The following ELOVL6 variants were observed in gnomAD, a reference collection of about 807,000 sequenced individuals.
ELOVL6 encodes the protein ELOVL fatty acid elongase 6.
A neutral mutation model predicts 31.7 loss-of-function variants in ELOVL6; 8 were observed. The observed-to-expected ratio is 0.25, with a 90% CI of 0.15 to 0.45. The LOEUF (loss-of-function observed/expected upper bound fraction) is 0.45, where lower values mean the gene tolerates loss of function less well. Among genes scored for constraint, ELOVL6 ranks in the 20% least tolerant of loss-of-function variants. ELOVL6 has a pLI of 1.00. For missense variants in ELOVL6, 126 were observed against 326.4 expected (o/e 0.39, Z 4.73); for synonymous variants, 101 against 117.7 (o/e 0.86, Z 0.92).
chr4:110,081,061 A>T (rs1245057680), intron 2 of ELOVL6, among the ~76,000 whole-genome samples: 1 of 152,164 alleles, frequency 6.6e-6, no homozygotes, highest in Non-Finnish European at 1.5e-5. Flanking sequence ...CTTCAAGGAG[A>T]ACTACAAACC....
chr4:110,104,035 G>A (rs1281865584), intron 2 of ELOVL6, among the ~76,000 whole-genome samples: 1 of 152,190 alleles, frequency 6.6e-6, no homozygotes, highest in Non-Finnish European at 1.5e-5. Context: ...ATTAAACGAA[G>A]TAAAATCAGC....
intron 1 of ELOVL6, among the ~76,000 whole-genome samples, chr4:110,162,651 T>TA (rs1758663719): frequency 6.6e-6 from 1 of 152,140 alleles, no homozygotes; most frequent in African/African-American, 2.4e-5. Flanking sequence ...GGCCTGAATA[T>TA]ATAGATATTT....
chr4:110,047,363 T>C lies in ELOVL6; in HGVS notation c.*3975A>G, dbSNP rs1754720585. On this transcript the variant is annotated 3_prime_UTR_variant, in exon 4 of 4. Coordinates refer to ENST00000302274, the MANE Select transcript of ELOVL6 (RefSeq NM_024090.3). ...CAAAAAAAAAAAAAAGCCCTCAGAATATGCCCTAGCTGCCTCGGTTGTGTG... is the reference window on the plus strand; with the variant it reads ...CAAAAAAAAAAAAAAGCCCTCAGAACATGCCCTAGCTGCCTCGGTTGTGTG... 1 of 147,086 alleles carries C rather than the reference T, an allele frequency of 6.8e-6. No homozygotes were observed. The highest frequency in any genetic ancestry group is 1.5e-5 in the Non-Finnish European group (1 of 67,124). 9.1% of individuals were successfully genotyped at this position (147,086 alleles called of 1,614,324 possible).
Position 110,198,078 on chromosome 4 carries a change from C to G in ELOVL6, c.89+169G>C, listed in dbSNP as rs76063861. 67 of 267,058 alleles carry G rather than the reference C, an allele frequency of 2.5e-4. 6 individuals are homozygous for G. The highest frequency in any genetic ancestry group is 2.0e-3 in the African/African-American group (60 of 30,064). The allele number at this position is 267,058 out of a possible 1,614,324, so 16.5% of individuals were successfully genotyped here. ...CACAGACCTCGCGCTTCATGTACCC[C>G]CCCCCCCCCAGCGTCTCCTGCACCC... On this transcript the variant is annotated intron_variant, in intron 1 of 3. Transcript: ENST00000302274.
intron 2 of ELOVL6, among the ~76,000 whole-genome samples, chr4:110,099,786 A>T (rs1756688170): frequency 6.6e-6 from 1 of 152,180 alleles, no homozygotes; most frequent in African/African-American, 2.4e-5. Context: ...GAAGGATGGA[A>T]AACTTTTTCA....
intron 1 of ELOVL6, among the ~76,000 whole-genome samples, chr4:110,110,510 C>A (rs1281094103): frequency 6.7e-6 from 1 of 149,462 alleles, no homozygotes; most frequent in Non-Finnish European, 1.5e-5. Flanking sequence ...AGGGCTCAAG[C>A]GATCTTCCCA....
At chr4:110,083,762 G>C (rs969123767) in intron 2 of ELOVL6, among the ~76,000 whole-genome samples, 5 of 150,466 alleles carry the variant, frequency 3.3e-5, no homozygotes, top group Admixed American at 3.3e-4. Context: ...CATTTCCAAA[G>C]ATGATGATGG....
Position 110,047,293 on chromosome 4 carries a change from A to T in ELOVL6, c.*4045T>A, listed in dbSNP as rs1218659202. The T allele has an allele frequency of 6.6e-6, 1 of 151,026 alleles. No individual in the cohort carries two copies. The highest frequency in any genetic ancestry group is 1.5e-5 in the Non-Finnish European group (1 of 67,866). 9.4% of individuals were successfully genotyped at this position (151,026 alleles called of 1,614,324 possible). A position where few individuals can be genotyped will look rare whatever the true frequency, so the allele number is the denominator to read the frequency against. ...CTCTCCTCACAGCCTCTTGAATCAGACCTTGGCCAATCCAGTTACTCTGTT... is the reference window on the plus strand; with the variant it reads ...CTCTCCTCACAGCCTCTTGAATCAGTCCTTGGCCAATCCAGTTACTCTGTT... On this transcript the variant is annotated 3_prime_UTR_variant, in exon 4 of 4. Coordinates refer to ENST00000302274, the MANE Select transcript of ELOVL6 (RefSeq NM_024090.3).
chr4:110,086,596 GA>G (rs1261583867), intron 2 of ELOVL6, among the ~76,000 whole-genome samples: 1 of 152,102 alleles, frequency 6.6e-6, no homozygotes, highest in African/African-American at 2.4e-5. Flanking sequence ...TGATTTTGAT[GA>G]CTCCTGTGCT....
At chr4:110,177,167 G>A (rs550110977) in intron 1 of ELOVL6, among the ~76,000 whole-genome samples, 11 of 152,214 alleles carry the variant, frequency 7.2e-5, no homozygotes, top group South Asian at 2.1e-4. Flanking sequence ...ATCTAGGCAT[G>A]TTGGCTCATG....
intron 1 of ELOVL6, among the ~76,000 whole-genome samples, chr4:110,111,014 T>C (rs1163504076): frequency 6.6e-6 from 1 of 152,118 alleles, no homozygotes; most frequent in African/African-American, 2.4e-5. Flanking sequence ...TGAGAACTAG[T>C]TTTTAGTTTT....
chr4:110,193,055 T>C (rs1759669393), intron 1 of ELOVL6, among the ~76,000 whole-genome samples: 1 of 152,192 alleles, frequency 6.6e-6, no homozygotes, highest in South Asian at 2.1e-4. Flanking sequence ...TACAAATGAA[T>C]GTAGAAGGTT....
At chr4:110,095,480 TAA>T (rs11396794) in intron 2 of ELOVL6, among the ~76,000 whole-genome samples, 32 of 129,042 alleles carry the variant, frequency 2.5e-4, no homozygotes, top group Admixed American at 3.2e-4. Flanking sequence ...AAACTGTCTT[TAA>T]AAAAAAAAAA....
intron 1 of ELOVL6, among the ~76,000 whole-genome samples, chr4:110,153,000 G>A (rs1758321461): frequency 6.6e-6 from 1 of 152,180 alleles, no homozygotes; most frequent in African/African-American, 2.4e-5. Flanking sequence ...CTATTGAAGA[G>A]CAGGAATGAC....
At chr4:110,132,379 T>C (rs1438298041) in intron 1 of ELOVL6, among the ~76,000 whole-genome samples, 1 of 152,094 alleles carries the variant, frequency 6.6e-6, no homozygotes, top group African/African-American at 2.4e-5. Context: ...CAAAATACAG[T>C]AATTATTCCA....
At chr4:110,063,813 C>T (rs769385985) in intron 2 of ELOVL6, among the ~76,000 whole-genome samples, 1 of 151,110 alleles carries the variant, frequency 6.6e-6, no homozygotes, top group Non-Finnish European at 1.5e-5. Flanking sequence ...CACGGTGGCT[C>T]ATGCCTGTAA....
intron 2 of ELOVL6, among the ~76,000 whole-genome samples, chr4:110,077,117 G>T (rs533400700): frequency 1.3e-5 from 2 of 152,192 alleles, no homozygotes; most frequent in Admixed American, 6.5e-5. Context: ...GGAGCCAACC[G>T]CAGCTCAAGG....
At position 110,061,549 on chromosome 4, in the gene ELOVL6, C is replaced by CTTTTTTTTTTTTTTTTTTTTTTTTTT. The variant is rs57846282; in HGVS notation, c.222-1796_222-1795insAAAAAAAAAAAAAAAAAAAAAAAAAA. 2.2e-4 allele frequency among the ~76,000 whole-genome samples: 16 copies of CTTTTTTTTTTTTTTTTTTTTTTTTTT among 72,380 alleles called. 3 individuals are homozygous for CTTTTTTTTTTTTTTTTTTTTTTTTTT. The highest frequency in any genetic ancestry group is 3.5e-4 in the African/African-American group (7 of 19,906). The allele number at this position is 72,380 out of a possible 152,430, so 47.5% of individuals were successfully genotyped here. A position where few individuals can be genotyped will look rare whatever the true frequency, so the allele number is the denominator to read the frequency against. ...CTGTCTTTCCCTCACCAAATGATGGCTTTTTTTTTTTTTTTTTTTTTTTTT... is the reference window on the plus strand; with the variant it reads ...CTGTCTTTCCCTCACCAAATGATGGCTTTTTTTTTTTTTTTTTTTTTTTTTTTTTTTTTTTTTTTTTTTTTTTTTTT... On this transcript the variant is annotated intron_variant, in intron 2 of 3. Coordinates refer to ENST00000302274, the MANE Select transcript of ELOVL6 (RefSeq NM_024090.3).
At chr4:110,154,675 G>A (rs567453632) in intron 1 of ELOVL6, among the ~76,000 whole-genome samples, 5 of 152,294 alleles carry the variant, frequency 3.3e-5, no homozygotes, top group East Asian at 1.9e-4. Flanking sequence ...TCTGTCATCA[G>A]ACCCAAACCG....
Sources: gnomAD v4.1 joint callset for allele counts (sites outside exome capture counted in the v4.1 genomes callset) on GRCh38, gnomAD v4.1.1 for gene constraint, MANE v1.5 for transcripts, NCBI Gene and HGNC (gene_info 2026-07-23, HGNC 2026-07-21) for gene names.